The following RBPJ variants were observed in gnomAD, a reference collection of about 807,000 sequenced individuals.
RBPJ encodes the protein recombination signal binding protein for immunoglobulin kappa J region.
Under a neutral mutation model 67.8 loss-of-function variants are expected in RBPJ, and 9 were observed. That is an observed-to-expected ratio of 0.13 (90% CI 0.08 to 0.23). The LOEUF is 0.23. RBPJ is among the 10% of genes least tolerant of loss of function. The pLI, the probability that RBPJ is intolerant of heterozygous loss-of-function variation, is 1.00. For synonymous variants in RBPJ, 198 were observed against 203.3 expected, an observed-to-expected ratio of 0.97 and a Z score of 0.22; for missense variants, 305 against 595.6, an observed-to-expected ratio of 0.51 and a Z score of 5.08.
chr4:26,277,558 G>C (rs575853365), intron 1 of RBPJ, among the ~76,000 whole-genome samples: 1 of 152,152 alleles, frequency 6.6e-6, no homozygotes, highest in African/African-American at 2.4e-5. Context: ...GTGCCAACCC[G>C]GCCAAGCTAT....
At chr4:26,273,376 C>A (rs1474585369) in intron 1 of RBPJ, among the ~76,000 whole-genome samples, 1 of 152,180 alleles carries the variant, frequency 6.6e-6, no homozygotes, top group African/African-American at 2.4e-5. Context: ...ATTCAAATGA[C>A]TTTTTTCCAA....
At chr4:26,214,769 GAGAAAGAA>G (rs796401731) in intron 1 of RBPJ, among the ~76,000 whole-genome samples, 1 of 17,268 alleles carries the variant, frequency 5.8e-5, no homozygotes, top group African/African-American at 1.4e-4. Flanking sequence ...AGAGAAAAAA[GAGAAAGAA>G]AGAAAGAAAA....
At chr4:26,333,821 C>T (rs964297854) in intron 1 of RBPJ, among the ~76,000 whole-genome samples, 3 of 152,152 alleles carry the variant, frequency 2.0e-5, no homozygotes, top group African/African-American at 7.2e-5. Flanking sequence ...TGCCAAGTAG[C>T]TGGGACTACA....
At chr4:26,260,512 A>T (rs903381585) in intron 1 of RBPJ, among the ~76,000 whole-genome samples, 4 of 151,796 alleles carry the variant, frequency 2.6e-5, no homozygotes, top group Non-Finnish European at 4.4e-5. Context: ...TGAGAATATA[A>T]AAAAAAAGCA....
chr4:26,307,478 A>G (rs910965512), intron 1 of RBPJ, among the ~76,000 whole-genome samples: 2 of 152,236 alleles, frequency 1.3e-5, no homozygotes, highest in African/African-American at 4.8e-5. Context: ...TCATGCAAAT[A>G]CAGATATAGC....
At chr4:26,407,105 G>A (rs13147671) in intron 3 of RBPJ, among the ~76,000 whole-genome samples, 74,699 of 152,072 alleles carry the variant, frequency 0.49, 19,793 homozygotes, top group Admixed American at 0.62. Flanking sequence ...TAATGTCCCC[G>A]AAATACTTAT....
At chr4:26,346,521 CACA>C (rs926027116) in intron 1 of RBPJ, among the ~76,000 whole-genome samples, 42 of 152,292 alleles carry the variant, frequency 2.8e-4, no homozygotes, top group African/African-American at 9.9e-4. Context: ...ACATGATTGG[CACA>C]ACTGCTGACA....
rs944645236 is a variant in RBPJ, at chr4:26,408,840, C to T, written c.155+2570C>T. Among the ~76,000 whole-genome samples the T allele has an allele frequency of 1.6e-4, 25 of 152,262 alleles. 1 individual carries two copies. The highest frequency in any genetic ancestry group is 3.7e-4 in the Non-Finnish European group (25 of 68,008). The stretch of plus-strand genomic sequence containing the variant: ...TACTACCCTAATTGCCATACCATTC[C>T]ATTTGCGTTTGAGTGTTGGTTATCT... On this transcript the variant is annotated intron_variant, in intron 3 of 10. Transcript: ENST00000355476.
chr4:26,359,457 TGGAGC>T (rs1443490564), intron 1 of RBPJ, among the ~76,000 whole-genome samples: 2 of 151,376 alleles, frequency 1.3e-5, no homozygotes, highest in African/African-American at 4.9e-5. Context: ...ATTTACTTTA[TGGAGC>T]GGCTGTGTGT....
upstream of RBPJ, among the ~76,000 whole-genome samples, chr4:26,315,637 G>T (rs192704887): frequency 1.1e-4 from 16 of 152,232 alleles, no homozygotes; most frequent in East Asian, 3.1e-3. Context: ...GGGTTCGAGA[G>T]CAGAGAACTG....
At chr4:26,405,449 A>T (rs1733298835) in intron 2 of RBPJ, among the ~76,000 whole-genome samples, 1 of 152,226 alleles carries the variant, frequency 6.6e-6, no homozygotes, top group Non-Finnish European at 1.5e-5. Flanking sequence ...GCTTAGCAAA[A>T]CAATTGAGTA....
chr4:26,186,609 A>G (rs1444161358), intron 1 of RBPJ, among the ~76,000 whole-genome samples: 2 of 152,146 alleles, frequency 1.3e-5, no homozygotes. Context: ...TGAGGTGCTG[A>G]GATGTACAGG....
At chr4:26,236,702 G>C (rs1719463489) in intron 1 of RBPJ, among the ~76,000 whole-genome samples, 1 of 152,196 alleles carries the variant, frequency 6.6e-6, no homozygotes, top group Non-Finnish European at 1.5e-5. Context: ...TAGTGTATTA[G>C]TCACACAAGA....
At chr4:26,152,216 A>G in the RBPJ span, among the ~76,000 whole-genome samples, 1 of 152,202 alleles carries the variant, frequency 6.6e-6, no homozygotes, top group Admixed American at 6.5e-5. Flanking sequence ...AGGAGTGGCT[A>G]TGGGACTTGT....
At chr4:26,280,503 A>T (rs1721240378) in intron 1 of RBPJ, among the ~76,000 whole-genome samples, 1 of 152,080 alleles carries the variant, frequency 6.6e-6, no homozygotes, top group Non-Finnish European at 1.5e-5. Context: ...TAAGGAGACC[A>T]TACTTTTTAA....
the RBPJ span, among the ~76,000 whole-genome samples, chr4:26,142,128 C>T: frequency 1.2e-3 from 176 of 152,362 alleles, no homozygotes; most frequent in Non-Finnish European, 2.0e-3. Context: ...GCCCTGAGCC[C>T]AGGAGCCCCA....
chr4:26,401,416 A>G (rs1732785606), intron 2 of RBPJ, among the ~76,000 whole-genome samples: 1 of 152,224 alleles, frequency 6.6e-6, no homozygotes, highest in Non-Finnish European at 1.5e-5. Flanking sequence ...AATGTACATA[A>G]TAGTGTTACC....
chr4:26,209,379 G>C (rs1198826238), intron 1 of RBPJ, among the ~76,000 whole-genome samples: 2 of 152,102 alleles, frequency 1.3e-5, no homozygotes, highest in African/African-American at 2.4e-5. Flanking sequence ...TTGTGTTTAT[G>C]ATAATTTGAA....
chr4:26,282,134 C>CTTTTTTT (rs758435674), intron 1 of RBPJ, among the ~76,000 whole-genome samples: 3 of 126,590 alleles, frequency 2.4e-5, no homozygotes, highest in African/African-American at 6.5e-5. Context: ...CTCTCTCTCT[C>CTTTTTTT]TCTTTTTTTT....
Sources: allele counts gnomAD v4.1 joint callset (sites outside exome capture counted in the v4.1 genomes callset), GRCh38; gene constraint gnomAD v4.1.1; transcripts MANE v1.5; gene names NCBI Gene and HGNC (gene_info 2026-07-23, HGNC 2026-07-21).